The following ESPN variants were observed in gnomAD, a reference collection of about 807,000 sequenced individuals.
ESPN encodes the protein espin, also known as autosomal recessive deafness type 36 protein.
A neutral mutation model predicts 77.7 loss-of-function variants in ESPN; 68 were observed. That is an observed-to-expected ratio of 0.87 (90% confidence interval 0.72 to 1.07). The LOEUF (loss-of-function observed/expected upper bound fraction) is 1.07, where lower values mean the gene tolerates loss of function less well. Among genes scored for constraint, ESPN ranks in the 50% least tolerant of loss-of-function variants. The pLI is 0.00. For synonymous variants in ESPN, 449 were observed against 567.1 expected (o/e 0.79, Z 2.96); for missense variants, 1,060 against 1,239.0 (o/e 0.86, Z 2.17).
At chr1:6,433,646 A>T (rs976696320) in intron 2 of ESPN, among the ~76,000 whole-genome samples, 7 of 149,900 alleles carry the variant, frequency 4.7e-5, no homozygotes, top group Non-Finnish European at 8.9e-5. Context: ...CAGGCTTCTG[A>T]CCACTGACAG....
At chr1:6,444,730 A>C (rs1231507419) in intron 6 of ESPN, 48 bp downstream of exon 6, 1 of 1,608,742 alleles carries the variant, frequency 6.2e-7, no homozygotes. Flanking sequence ...GACTGAAGCC[A>C]GACTGCTGGG....
chr1:6,440,510 C>T (rs1291356812), intron 3 of ESPN, 70 bp downstream of exon 3: 29 of 944,288 alleles, frequency 3.1e-5, no homozygotes, highest in Non-Finnish European at 3.7e-5. Flanking sequence ...GTGGAGGGAG[C>T]GGGGCCATCA....
chr1:6,441,136 C>G (rs1643624169), intron 5 of ESPN, 71 bp downstream of exon 5: 12 of 1,560,742 alleles, frequency 7.7e-6, no homozygotes, highest in Middle Eastern at 4.3e-4. Context: ...GGTGTCGTCA[C>G]CCCTTTTACC....
rs1224256512 is a variant in ESPN, at chr1:6,460,668, C to T, written c.*522C>T. 1.2e-5 allele frequency: 2 copies of T among 166,872 alleles called. No homozygotes were observed. The highest frequency in any genetic ancestry group is 2.4e-5 in the African/African-American group (1 of 41,574). The allele number at this position is 166,872 out of a possible 1,614,324, so 10.3% of individuals were successfully genotyped here. ...TTCTTATCCCCGCCAAGGGTTTCCT[C>T]TCAGTCATTTGTTTACCAGAAACAT... On this transcript the variant is annotated 3_prime_UTR_variant, in exon 13 of 13. Coordinates refer to ENST00000645284, the MANE Select transcript of ESPN (RefSeq NM_031475.3).
chr1:6,432,452 G>A (rs559020731), intron 2 of ESPN, among the ~76,000 whole-genome samples: 38 of 152,334 alleles, frequency 2.5e-4, no homozygotes, highest in African/African-American at 8.4e-4. Flanking sequence ...CTACGTGGAG[G>A]CTCTGGGAAA....
intron 2 of ESPN, among the ~76,000 whole-genome samples, chr1:6,439,303 C>T (rs1209621643): frequency 6.6e-6 from 1 of 152,202 alleles, no homozygotes; most frequent in Non-Finnish European, 1.5e-5. Flanking sequence ...AAGTATGTCC[C>T]ATGCAATATT....
At chr1:6,449,136 A>G in intron 8 of ESPN, 45 bp downstream of exon 8, 1 of 1,430,476 alleles carries the variant, frequency 7.0e-7, no homozygotes, top group South Asian at 1.4e-5. Flanking sequence ...GCTAGCCCTG[A>G]AAGGGGAGGG....
intron 2 of ESPN, among the ~76,000 whole-genome samples, chr1:6,432,761 AG>A (rs1044270544): frequency 6.6e-6 from 1 of 152,252 alleles, no homozygotes; most frequent in Non-Finnish European, 1.5e-5. Flanking sequence ...AGAACGGAAA[AG>A]GGGAAGTCCC....
At position 6,447,038 on chromosome 1, in the gene ESPN, T is replaced by C. The variant is rs528427345; in HGVS notation, c.1464+1103T>C. On this transcript the variant is annotated intron_variant, in intron 7 of 12. Transcript: ENST00000645284. This position sits in a 1 kb window ranked among gnomAD's most constrained non-coding sequence, Gnocchi z 5.2. ...TCGCTGAGTTCCCAACGCAGACTGT[T>C]GGCCCCGCCCAAATCCACAGGACAG... is the stretch of plus-strand genomic sequence containing the variant. 7 of 152,546 alleles carry C rather than the reference T, an allele frequency of 4.6e-5. No individual in the cohort carries two copies. Among genetic ancestry groups the C allele is most frequent in the African/African-American group, 9.6e-5 (4 of 41,572 alleles). 9.4% of individuals were successfully genotyped at this position (152,546 alleles called of 1,614,324 possible).
At chr1:6,445,270 C>T (rs574934710) in intron 6 of ESPN, among the ~76,000 whole-genome samples, 13 of 152,258 alleles carry the variant, frequency 8.5e-5, no homozygotes, top group Admixed American at 1.3e-4. Context: ...TGAGCATGGG[C>T]GTCCGTCCAC....
At position 6,444,494 on chromosome 1, in the gene ESPN, G is replaced by A. The variant is rs762623964; in HGVS notation, c.1004G>A (p.Arg335His). 6.8e-6 allele frequency: 11 copies of A among 1,614,192 alleles called. No homozygotes were observed. Among genetic ancestry groups the A allele is most frequent in the Admixed American group, 1.7e-5 (1 of 60,026 alleles). ...RTVENLSVEH[R>H]VLSRDPSAEL... Reference sequence around the variant, plus strand: ...CCTCCCCTTCAGAGCGTGGAGCACCGCGTGCTTTCCCGGGATCCATCCGCA... The same window carrying A: ...CCTCCCCTTCAGAGCGTGGAGCACCACGTGCTTTCCCGGGATCCATCCGCA... Residue 335 changes from arginine to histidine, a missense_variant, in exon 6 of 13, where the codon CGC becomes CAC. By Grantham distance (29) the Arg-to-His change is conservative. This residue lies in a region of ESPN where 556 missense variants were observed against 633.6 expected (regional missense o/e 0.88). Coordinates refer to ENST00000645284, the MANE Select transcript of ESPN (RefSeq NM_031475.3).
chr1:6,428,179 C>G lies in ESPN; in HGVS notation c.295-47C>G. The G allele has an allele frequency of 6.3e-7, 1 of 1,595,380 alleles. No individual in the cohort carries two copies. Among genetic ancestry groups the G allele is most frequent in the Non-Finnish European group, 8.6e-7 (1 of 1,163,952 alleles). On this transcript the variant is annotated intron_variant, in intron 1 of 12. Coordinates refer to ENST00000645284, the MANE Select transcript of ESPN (RefSeq NM_031475.3). This position sits in a 1 kb window ranked among gnomAD's most constrained non-coding sequence, Gnocchi z 5.4. ...GTCTGGGAGTGGCCCAAGCCAGGGG[C>G]GGGGCAGCAACAGGCTTTAGGACTT...
chr1:6,444,432 C>T (rs554999269), intron 5 of ESPN, 49 bp from the exon 6 acceptor site: 26 of 1,591,478 alleles, frequency 1.6e-5, no homozygotes, highest in Admixed American at 1.0e-4. Context: ...TGGAGAGCAA[C>T]GCATCTTGGG....
Position 6,424,795 on chromosome 1 carries a change from C to T in ESPN, c.-161C>T, listed in dbSNP as rs1263250185. ...GGCCCCAGAGCGCGGCGGAGCGGAG[C>T]GCCAGGCAGCGCGGAGCGGAGGCCA... On this transcript the variant is annotated 5_prime_UTR_variant, in exon 1 of 13. Transcript: ENST00000645284. The T allele has an allele frequency of 3.6e-5, 26 of 717,846 alleles. No homozygotes were observed. Among genetic ancestry groups the T allele is most frequent in the Non-Finnish European group, 4.9e-5 (26 of 527,336 alleles). 44.5% of individuals were successfully genotyped at this position (717,846 alleles called of 1,614,324 possible).
At chr1:6,455,486 G>A (rs942545559) in intron 10 of ESPN, 18 of 397,568 alleles carry the variant, frequency 4.5e-5, no homozygotes, top group African/African-American at 3.1e-4. Flanking sequence ...TGCTGAGGCA[G>A]CGGCAGGCGG....
At chr1:6,457,815 A>C (rs1036246080) in intron 12 of ESPN, among the ~76,000 whole-genome samples, 2 of 152,300 alleles carry the variant, frequency 1.3e-5, no homozygotes, top group Admixed American at 6.5e-5. Flanking sequence ...TATCAAAAAT[A>C]TTATTTCAAC....
chr1:6,449,009 T>C lies in ESPN; in HGVS notation c.1833T>C (p.Ser611=). 1 of 1,457,704 alleles carries C rather than the reference T, an allele frequency of 6.9e-7. No homozygotes were observed. The highest frequency in any genetic ancestry group is 9.0e-7 in the Non-Finnish European group (1 of 1,110,930). 90.3% of individuals were successfully genotyped at this position (1,457,704 alleles called of 1,614,324 possible). A position where few individuals can be genotyped will look rare whatever the true frequency, so the allele number is the denominator to read the frequency against. The stretch of plus-strand genomic sequence containing the variant: ...CGCCGCCCCTGCCGGAGGCCGCGAG[T>C]TCGCCACCGCCGGCCCCGCCTCTGC... The part of the protein sequence containing the change: ...PPPPPLPEAA[S]SPPPAPPLPL... Residue 611 remains serine, a synonymous_variant, in exon 8 of 13, where the codon AGT becomes AGC. Transcript: ENST00000645284.
At chr1:6,456,952 C>A (rs1644067907) in intron 10 of ESPN, among the ~76,000 whole-genome samples, 1 of 152,220 alleles carries the variant, frequency 6.6e-6, no homozygotes, top group South Asian at 2.1e-4. Flanking sequence ...TGCTTCTGTC[C>A]CATTCAGCTC....
At chr1:6,443,913 C>T (rs1012707912) in intron 5 of ESPN, among the ~76,000 whole-genome samples, 12 of 152,230 alleles carry the variant, frequency 7.9e-5, no homozygotes, top group Non-Finnish European at 7.4e-5. Context: ...TGTGGTCAGA[C>T]GCACAGACCG....
Sources: gnomAD v4.1 joint callset for allele counts (sites outside exome capture counted in the v4.1 genomes callset) on GRCh38, gnomAD v4.1.1 for gene constraint, gnomAD v4.1.1 regional missense constraint, Gnocchi (gnomAD v3.1) non-coding constraint, MANE v1.5 for transcripts, NCBI Gene and HGNC (gene_info 2026-07-23, HGNC 2026-07-21) for gene names.